Variants in KLHL2 observed in about 807,000 individuals in gnomAD.
KLHL2 encodes the protein kelch-like protein 2.
KLHL2 carries 15 observed loss-of-function variants against 75.8 expected under a neutral mutation model. The observed-to-expected ratio is 0.20, with a 90% confidence interval of 0.13 to 0.30. The LOEUF is 0.30. Among genes scored for constraint, KLHL2 ranks in the 10% least tolerant of loss-of-function variants. The pLI, the probability that KLHL2 is intolerant of heterozygous loss-of-function variation, is 1.00. For missense variants in KLHL2, 381 were observed against 741.0 expected (o/e 0.51, Z 5.64); for synonymous variants, 214 against 251.9 (o/e 0.85, Z 1.42).
chr4:165,267,351 G>T (rs931503092), intron 5 of KLHL2, among the ~76,000 whole-genome samples: 6 of 152,158 alleles, frequency 3.9e-5, no homozygotes, highest in African/African-American at 1.4e-4. Flanking sequence ...ACACTATGTG[G>T]AATAGGAGTG....
At chr4:165,267,536 T>A (rs1742334983) in intron 5 of KLHL2, among the ~76,000 whole-genome samples, 1 of 152,232 alleles carries the variant, frequency 6.6e-6, no homozygotes, top group Non-Finnish European at 1.5e-5. Flanking sequence ...TGTTGAATTT[T>A]GTCAAAGGCC....
At chr4:165,235,792 A>G (rs1416064945) in intron 3 of KLHL2, among the ~76,000 whole-genome samples, 1 of 152,168 alleles carries the variant, frequency 6.6e-6, no homozygotes, top group African/African-American at 2.4e-5. Context: ...AGCCTGGGAA[A>G]TGAGTGGGTG....
intron 14 of KLHL2, among the ~76,000 whole-genome samples, chr4:165,318,910 C>CT (rs1200107761): frequency 6.6e-6 from 1 of 152,086 alleles, no homozygotes; most frequent in East Asian, 1.9e-4. Context: ...AGATACTAGT[C>CT]TGTTTTATCA....
intron 5 of KLHL2, chr4:165,279,143 A>G (rs1418375676): frequency 3.7e-6 from 6 of 1,602,728 alleles, no homozygotes; most frequent in African/African-American, 2.7e-5. Flanking sequence ...TTTTTCTTCA[A>G]CGGCCTTTTG....
intron 4 of KLHL2, among the ~76,000 whole-genome samples, chr4:165,253,676 C>G (rs1280188656): frequency 6.6e-6 from 1 of 152,134 alleles, no homozygotes; most frequent in Non-Finnish European, 1.5e-5. Flanking sequence ...AGGTCTCTTC[C>G]CAATAAATCT....
rs1199645257 is a variant in KLHL2, at chr4:165,319,436, A to G, written c.1753+1467A>G. Among the ~76,000 whole-genome samples, 3 of 152,210 alleles carry G rather than the reference A, an allele frequency of 2.0e-5. No homozygotes were observed. The highest frequency in any genetic ancestry group is 4.4e-5 in the Non-Finnish European group (3 of 68,038). On this transcript the variant is annotated intron_variant, in intron 14 of 14. Transcript: ENST00000226725. The surrounding 1 kb of genome is among the most constrained non-coding windows in gnomAD (Gnocchi z 4.5). ...CTGAATTGCTTGAGATATACCATGGATTGAGGTCTGCTGCTGCACTTGCCC... is the reference window on the plus strand; with the variant it reads ...CTGAATTGCTTGAGATATACCATGGGTTGAGGTCTGCTGCTGCACTTGCCC...
chr4:165,246,570 A>G (rs1214336522), intron 4 of KLHL2, among the ~76,000 whole-genome samples: 1 of 152,170 alleles, frequency 6.6e-6, no homozygotes, highest in Non-Finnish European at 1.5e-5. Context: ...ATTTGGAGGT[A>G]GGGTCAGTGG....
chr4:165,299,352 C>T (rs190277301), intron 7 of KLHL2, among the ~76,000 whole-genome samples, 155 bp from the exon 8 acceptor site: 268 of 152,150 alleles, frequency 1.8e-3, no homozygotes, highest in Non-Finnish European at 2.4e-3. Context: ...ATTTATTTTT[C>T]TCTTAGATGT....
intron 3 of KLHL2, among the ~76,000 whole-genome samples, chr4:165,237,307 A>G (rs1739432159): frequency 6.7e-6 from 1 of 149,036 alleles, no homozygotes; most frequent in Admixed American, 6.7e-5. Context: ...GGGGAAAAAC[A>G]TTTGCCGTAG....
intron 12 of KLHL2, 73 bp from the exon 13 acceptor site, chr4:165,313,953 A>C (rs1746407944): frequency 6.9e-7 from 1 of 1,443,870 alleles, no homozygotes; most frequent in Non-Finnish European, 9.3e-7. Flanking sequence ...GTTACAAGTC[A>C]TTTAAATAAA....
In KLHL2 at chr4:165,297,613, T is replaced by C. The variant is rs769874042; in HGVS notation, c.659T>C (p.Phe220Ser). The C allele has an allele frequency of 6.3e-7, 1 of 1,598,732 alleles. No individual in the cohort carries two copies. ...KLTISSEEKV[F>S]EAVIAWVNHD... ...TTCTCCTATATTTTCTGCAAGGTAT[T>C]TGAAGCAGTAATAGCATGGGTGAAC... Residue 220 changes from phenylalanine to serine, a missense_variant, in exon 7 of 15, where the codon TTT becomes TCT. Phe to Ser is a radical substitution (Grantham distance 155, BLOSUM62 -2). Coordinates refer to ENST00000226725, the MANE Select transcript of KLHL2 (RefSeq NM_007246.4).
Position 165,207,995 on chromosome 4 carries a change from G to A in KLHL2, c.26+93G>A. ...CGCGGGCGCAGCTCTGGGGACAGCC[G>A]CCGGGGCCGGCGGGAGGTGGGAGAT... is the stretch of plus-strand genomic sequence containing the variant. On this transcript the variant is annotated intron_variant, in intron 1 of 14. Coordinates refer to ENST00000226725, the MANE Select transcript of KLHL2 (RefSeq NM_007246.4). The surrounding 1 kb of genome is among the most constrained non-coding windows in gnomAD (Gnocchi z 4.2). 1.1e-6 allele frequency: 1 copy of A among 905,896 alleles called. No individual in the cohort carries two copies. The highest frequency in any genetic ancestry group is 5.1e-5 in the South Asian group (1 of 19,754). The allele number at this position is 905,896 out of a possible 1,614,324, so 56.1% of individuals were successfully genotyped here.
intron 3 of KLHL2, among the ~76,000 whole-genome samples, chr4:165,237,494 G>C (rs930110796): frequency 3.3e-5 from 5 of 151,292 alleles, no homozygotes; most frequent in Admixed American, 1.3e-4. Context: ...CTGAGATCTT[G>C]TCAAAGATAA....
chr4:165,258,383 G>A (rs1741365068), intron 4 of KLHL2, among the ~76,000 whole-genome samples: 1 of 133,494 alleles, frequency 7.5e-6, no homozygotes, highest in Non-Finnish European at 1.6e-5. Context: ...GATGGTCTGT[G>A]CTTAACTATG....
chr4:165,283,213 T>G (rs1363752064), intron 5 of KLHL2, among the ~76,000 whole-genome samples: 1 of 152,052 alleles, frequency 6.6e-6, no homozygotes, highest in Non-Finnish European at 1.5e-5. Flanking sequence ...CTCCCAAATC[T>G]CATATCCTCA....
rs548753376 is a variant in KLHL2, at chr4:165,219,580, C to T, written c.27-354C>T. The T allele has an allele frequency of 1.1e-5, 6 of 551,974 alleles. No homozygotes were observed. In the East Asian group the frequency reaches 3.1e-4, roughly 28 times the overall value. 34.2% of individuals were successfully genotyped at this position (551,974 alleles called of 1,614,324 possible). ...CTGCTCTGTCTTGGTTTGTTAATAA[C>T]GTATGACTATAGAAGTTTGTAAAAG... is the stretch of plus-strand genomic sequence containing the variant. On this transcript the variant is annotated intron_variant, in intron 1 of 14. Transcript: ENST00000226725.
intron 5 of KLHL2, among the ~76,000 whole-genome samples, chr4:165,270,948 G>C (rs945752840): frequency 1.3e-5 from 2 of 152,184 alleles, no homozygotes; most frequent in Admixed American, 6.5e-5. Context: ...TCGAAGATCA[G>C]TTGTTTGTAA....
At chr4:165,315,090 G>A (rs374189380) in intron 13 of KLHL2, among the ~76,000 whole-genome samples, 7 of 152,110 alleles carry the variant, frequency 4.6e-5, no homozygotes, top group South Asian at 4.1e-4. Context: ...TAATCAGTTC[G>A]TTAGATGGTA....
At chr4:165,231,143 T>TTA (rs1168817364) in intron 3 of KLHL2, among the ~76,000 whole-genome samples, 5 of 152,218 alleles carry the variant, frequency 3.3e-5, no homozygotes, top group African/African-American at 9.7e-5. Context: ...GAGGCATATT[T>TTA]TATATATCAT....
Sources: allele counts gnomAD v4.1 joint callset (sites outside exome capture counted in the v4.1 genomes callset), GRCh38; gene constraint gnomAD v4.1.1; non-coding constraint Gnocchi (gnomAD v3.1); transcripts MANE v1.5; gene names NCBI Gene and HGNC (gene_info 2026-07-23, HGNC 2026-07-21).